CNTNAP5: variants seen among roughly 807,000 people sequenced by gnomAD.
CNTNAP5 encodes contactin associated protein family member 5.
In CNTNAP5, 72 loss-of-function variants were observed where a neutral mutation model predicts 150.2. The observed-to-expected ratio is 0.48, with a 90% CI of 0.40 to 0.58. The LOEUF (loss-of-function observed/expected upper bound fraction) is 0.58, where lower values mean the gene tolerates loss of function less well. Among genes scored for constraint, CNTNAP5 ranks in the 20% least tolerant of loss-of-function variants. CNTNAP5 has a pLI of 0.00. For synonymous variants in CNTNAP5, 672 were observed against 619.8 expected, an observed-to-expected ratio of 1.08 and a Z score of -1.25; for missense variants, 1,636 against 1,626.2, an observed-to-expected ratio of 1.01 and a Z score of -0.10.
At chr2:124,591,064 A>C (rs927976396) in intron 11 of CNTNAP5, among the ~76,000 whole-genome samples, 1 of 152,162 alleles carries the variant, frequency 6.6e-6, no homozygotes, top group African/African-American at 2.4e-5. Context: ...TAATATAAAA[A>C]TCTATTCTGA....
intron 1 of CNTNAP5, among the ~76,000 whole-genome samples, chr2:124,040,538 G>C (rs189867764): frequency 6.8e-6 from 1 of 147,874 alleles, no homozygotes; most frequent in Non-Finnish European, 1.5e-5. Context: ...TAATGTGTTT[G>C]TACATATATA....
intron 3 of CNTNAP5, among the ~76,000 whole-genome samples, chr2:124,314,036 C>T (rs1378963463): frequency 6.6e-6 from 1 of 152,166 alleles, no homozygotes; most frequent in Non-Finnish European, 1.5e-5. Flanking sequence ...GATGTGTTGG[C>T]CCAACGGGTC....
chr2:124,536,436 C>T (rs557626980), intron 10 of CNTNAP5, among the ~76,000 whole-genome samples: 18 of 151,944 alleles, frequency 1.2e-4, no homozygotes, highest in Admixed American at 7.9e-4. Flanking sequence ...GGGTTGGGGG[C>T]CGGGGCATCT....
At chr2:124,267,852 G>C (rs1354567366) in intron 3 of CNTNAP5, among the ~76,000 whole-genome samples, 3 of 152,134 alleles carry the variant, frequency 2.0e-5, no homozygotes, top group Non-Finnish European at 4.4e-5. Flanking sequence ...AGGAGCAGAG[G>C]GAAAACATAA....
intron 3 of CNTNAP5, among the ~76,000 whole-genome samples, chr2:124,362,634 A>G (rs1179585013): frequency 6.6e-6 from 1 of 152,176 alleles, no homozygotes; most frequent in African/African-American, 2.4e-5. Flanking sequence ...GCTGTGAAGG[A>G]ATAATCATTG....
intron 17 of CNTNAP5, chr2:124,778,509 G>T (rs767492616): frequency 1.3e-5 from 2 of 153,346 alleles, no homozygotes; most frequent in Non-Finnish European, 2.9e-5. Flanking sequence ...CCTTGCTTCA[G>T]TTTCAGCAGC....
chr2:124,808,621 T>C, intron 19 of CNTNAP5, among the ~76,000 whole-genome samples: 1 of 151,666 alleles, frequency 6.6e-6, no homozygotes, highest in East Asian at 1.9e-4. Context: ...ATCAAATAAC[T>C]TTTTATTTTA....
At chr2:124,666,012 A>G (rs1490397262) in intron 13 of CNTNAP5, among the ~76,000 whole-genome samples, 1 of 152,196 alleles carries the variant, frequency 6.6e-6, no homozygotes, top group African/African-American at 2.4e-5. Context: ...TAAAGGAAAA[A>G]ACAAACTGTA....
chr2:124,148,375 A>G (rs17391285), intron 1 of CNTNAP5, among the ~76,000 whole-genome samples: 32,122 of 150,416 alleles, frequency 0.21, 3,618 homozygotes, highest in South Asian at 0.26. Flanking sequence ...AATTGAGAAA[A>G]CATTTTACTA....
chr2:124,485,541 A>C (rs79080085), intron 7 of CNTNAP5, among the ~76,000 whole-genome samples: 3,263 of 138,256 alleles, frequency 0.024, 77 homozygotes, highest in South Asian at 0.063. Flanking sequence ...TGAACCCGGG[A>C]GGCGGAGCTT....
chr2:124,249,304 T>TA (rs1203462169), intron 3 of CNTNAP5, among the ~76,000 whole-genome samples: 1 of 152,166 alleles, frequency 6.6e-6, no homozygotes, highest in Non-Finnish European at 1.5e-5. Context: ...CCACATTCTA[T>TA]AAAAAATCTC....
chr2:124,389,797 T>C (rs1691064391), intron 3 of CNTNAP5, among the ~76,000 whole-genome samples: 1 of 152,074 alleles, frequency 6.6e-6, no homozygotes, highest in Non-Finnish European at 1.5e-5. Flanking sequence ...AGACCCTGTC[T>C]CTACAAAAGA....
chr2:124,653,686 T>C (rs1678368578), intron 13 of CNTNAP5, among the ~76,000 whole-genome samples: 2 of 148,290 alleles, frequency 1.3e-5, no homozygotes, highest in South Asian at 2.1e-4. Flanking sequence ...AGAAACAGTA[T>C]GTCAAGATAC....
At chr2:124,419,916 C>CTTT (rs1157591186) in intron 4 of CNTNAP5, among the ~76,000 whole-genome samples, 2 of 121,984 alleles carry the variant, frequency 1.6e-5, no homozygotes, top group Non-Finnish European at 3.3e-5. Flanking sequence ...TTCTTTCTTT[C>CTTT]TTTCTTTCTT....
chr2:124,825,591 G>T (rs1316246264), intron 19 of CNTNAP5, among the ~76,000 whole-genome samples: 1 of 152,118 alleles, frequency 6.6e-6, no homozygotes, highest in Non-Finnish European at 1.5e-5. Flanking sequence ...GCACTTTCCT[G>T]CTTGGATAGG....
At position 124,798,133 on chromosome 2, in the gene CNTNAP5, T is replaced by C. The variant is rs1681886298; in HGVS notation, c.3030T>C (p.Thr1010=). The change falls in exon 19 of 24, where the codon ACT becomes ACC. Residue 1010 remains threonine (T), a synonymous_variant. Coordinates refer to ENST00000682447, the MANE Select transcript of CNTNAP5 (RefSeq NM_001367498.1). ...SAVFEAGTSV[T]YMFQEPYPVT... is the part of the protein sequence containing the mutation. ...TTTTTGAGGCTGGCACGTCGGTTACTTACATGTTTCAAGAACCCTATCCTG... is the reference window on the plus strand; with the variant it reads ...TTTTTGAGGCTGGCACGTCGGTTACCTACATGTTTCAAGAACCCTATCCTG... 6.2e-7 allele frequency: 1 copy of C among 1,613,302 alleles called. No homozygotes were observed. Among genetic ancestry groups the C allele is most frequent in the South Asian group, 1.1e-5 (1 of 90,986 alleles).
intron 13 of CNTNAP5, among the ~76,000 whole-genome samples, chr2:124,730,953 C>T (rs969258197): frequency 1.3e-5 from 2 of 152,044 alleles, no homozygotes; most frequent in Non-Finnish European, 2.9e-5. Flanking sequence ...GATCCTCTGG[C>T]CACTTCTTTC....
In CNTNAP5 at chr2:124,134,865, G is replaced by A. The variant is rs556633116; in HGVS notation, c.83-86840G>A. Among the ~76,000 whole-genome samples the A allele has an allele frequency of 1.8e-4, 27 of 152,236 alleles. 1 individual carries two copies. The South Asian group carries it at 5.6e-3, about 32-fold the overall frequency. ...TGAGGTTTATACTTGAATAAACTAG[G>A]CTTCAAATTGTGATTTTACCTCTTC... On this transcript the variant is annotated intron_variant, in intron 1 of 23. Transcript: ENST00000682447.
chr2:124,776,107 C>G (rs1681316531), intron 17 of CNTNAP5, among the ~76,000 whole-genome samples: 1 of 152,140 alleles, frequency 6.6e-6, no homozygotes, highest in South Asian at 2.1e-4. Flanking sequence ...ACTGTCACAC[C>G]TACAGTCATG....
Sources: gnomAD v4.1 joint callset for allele counts (sites outside exome capture counted in the v4.1 genomes callset) on GRCh38, gnomAD v4.1.1 for gene constraint, MANE v1.5 for transcripts, NCBI Gene and HGNC (gene_info 2026-07-23, HGNC 2026-07-21) for gene names.